C8orf34: variants seen among roughly 807,000 people sequenced by gnomAD.
C8orf34 encodes uncharacterized protein C8orf34.
In C8orf34, 65 loss-of-function variants were observed where a neutral mutation model predicts 68.3. The observed-to-expected ratio is 0.95, with a 90% confidence interval of 0.78 to 1.17. The LOEUF is 1.17. C8orf34 is among the 50% of genes most tolerant of loss of function. The pLI is 0.00. For missense variants in C8orf34, 664 were observed against 655.4 expected, an observed-to-expected ratio of 1.01 and a Z score of -0.14; for synonymous variants, 244 against 241.2, an observed-to-expected ratio of 1.01 and a Z score of -0.11.
chr8:68,764,347 G>A (rs921029061), intron 10 of C8orf34, among the ~76,000 whole-genome samples: 1 of 152,184 alleles, frequency 6.6e-6, no homozygotes. Context: ...TTTGTTGGCG[G>A]TGCAGACCTC....
At chr8:68,575,954 TTG>T (rs1491552567) in intron 7 of C8orf34, among the ~76,000 whole-genome samples, 9 of 104,204 alleles carry the variant, frequency 8.6e-5, no homozygotes, top group African/African-American at 4.0e-4. Context: ...TAGTAGATGG[TTG>T]TTTTTTTTTT....
At chr8:68,725,854 G>A (rs1821813229) in intron 10 of C8orf34, among the ~76,000 whole-genome samples, 1 of 152,064 alleles carries the variant, frequency 6.6e-6, no homozygotes, top group Admixed American at 6.5e-5. Context: ...GTAATGAAAA[G>A]GAGATAAGTA....
chr8:68,800,205 A>T (rs889082777), intron 12 of C8orf34, among the ~76,000 whole-genome samples: 1 of 152,234 alleles, frequency 6.6e-6, no homozygotes, highest in African/African-American at 2.4e-5. Flanking sequence ...GGATTCAAAT[A>T]ATTCAAAACT....
intron 5 of C8orf34, among the ~76,000 whole-genome samples, chr8:68,493,482 G>A (rs912087596): frequency 6.6e-6 from 1 of 152,128 alleles, no homozygotes; most frequent in Non-Finnish European, 1.5e-5. Flanking sequence ...TGAAAAAATA[G>A]CAAGTGTTTG....
intron 1 of C8orf34, among the ~76,000 whole-genome samples, chr8:68,433,749 A>G (rs971930091): frequency 4.6e-5 from 7 of 152,224 alleles, no homozygotes; most frequent in Admixed American, 2.6e-4. Flanking sequence ...GGGATCTTAC[A>G]TGTTCTATCA....
chr8:68,622,002 G>C (rs532073990), intron 7 of C8orf34, among the ~76,000 whole-genome samples: 1 of 152,176 alleles, frequency 6.6e-6, no homozygotes, highest in South Asian at 2.1e-4. Context: ...TCCAGCCAGG[G>C]CTCATGAGGT....
intron 7 of C8orf34, among the ~76,000 whole-genome samples, chr8:68,616,043 A>T (rs910353174): frequency 1.3e-5 from 2 of 151,206 alleles, no homozygotes; most frequent in Non-Finnish European, 2.9e-5. Flanking sequence ...CGAGGAATTT[A>T]TCCATTTCTT....
intron 4 of C8orf34, among the ~76,000 whole-genome samples, chr8:68,481,999 A>G (rs547210617): frequency 6.6e-6 from 1 of 152,254 alleles, no homozygotes; most frequent in East Asian, 1.9e-4. Context: ...AAGGATTGAT[A>G]TGGATTGGCT....
rs567271182 is a variant in C8orf34 at position 68,639,762 on chromosome 8, A to G, written c.1106-614A>G. On this transcript the variant is annotated intron_variant, in intron 7 of 13. Transcript: ENST00000518698. Reference sequence around the variant, plus strand: ...TCTTGATTAAGGACCTGGGAAAAATAGAAGTGGGCTTCAGTAAACCTTTGG... The same window carrying G: ...TCTTGATTAAGGACCTGGGAAAAATGGAAGTGGGCTTCAGTAAACCTTTGG... Among the ~76,000 whole-genome samples the G allele has an allele frequency of 7.9e-5, 12 of 152,298 alleles. No homozygotes were observed. The East Asian group carries it at 2.1e-3, about 27-fold the overall frequency.
chr8:68,690,912 A>T (rs868703353), intron 8 of C8orf34, among the ~76,000 whole-genome samples: 1 of 152,088 alleles, frequency 6.6e-6, no homozygotes, highest in Non-Finnish European at 1.5e-5. Flanking sequence ...GAACTCTCTC[A>T]GTCTCAAATT....
intron 8 of C8orf34, among the ~76,000 whole-genome samples, chr8:68,655,500 A>G (rs1819485863): frequency 1.3e-5 from 2 of 152,146 alleles, no homozygotes; most frequent in East Asian, 3.8e-4. Flanking sequence ...CATTCAGTAG[A>G]AACTGTACTT....
chr8:68,684,127 A>G (rs1287348888), intron 8 of C8orf34, among the ~76,000 whole-genome samples: 1 of 152,106 alleles, frequency 6.6e-6, no homozygotes, highest in Non-Finnish European at 1.5e-5. Context: ...CATCATCTGA[A>G]TGAAGCCTCA....
chr8:68,545,187 C>T (rs1346506544), intron 7 of C8orf34, among the ~76,000 whole-genome samples: 2 of 152,000 alleles, frequency 1.3e-5, no homozygotes, highest in South Asian at 2.1e-4. Context: ...GGCGGTTTTC[C>T]CCATACTGTT....
At chr8:68,646,429 T>G (rs1819174719) in intron 8 of C8orf34, among the ~76,000 whole-genome samples, 1 of 152,138 alleles carries the variant, frequency 6.6e-6, no homozygotes, top group Admixed American at 6.6e-5. Context: ...ATCAAGCAAG[T>G]TAACAAATCC....
At chr8:68,656,197 C>T (rs1819506301) in intron 8 of C8orf34, among the ~76,000 whole-genome samples, 1 of 151,990 alleles carries the variant, frequency 6.6e-6, no homozygotes, top group African/African-American at 2.4e-5. Flanking sequence ...AAAAGAGACC[C>T]CCTTAATTGA....
chr8:68,794,506 T>TACATACA (rs58048066), intron 12 of C8orf34, among the ~76,000 whole-genome samples: 1 of 59,018 alleles, frequency 1.7e-5, no homozygotes, highest in African/African-American at 1.0e-4. Flanking sequence ...TATATATATA[T>TACATACA]TTTTTTTTTT....
At chr8:68,784,680 T>C (rs1823791043) in intron 11 of C8orf34, among the ~76,000 whole-genome samples, 1 of 152,250 alleles carries the variant, frequency 6.6e-6, no homozygotes, top group Non-Finnish European at 1.5e-5. Flanking sequence ...ATATTTTGGA[T>C]AATGACCCAA....
intron 1 of C8orf34, among the ~76,000 whole-genome samples, chr8:68,378,582 G>A (rs146299170): frequency 1.3e-5 from 2 of 152,238 alleles, no homozygotes; most frequent in African/African-American, 4.8e-5. Flanking sequence ...GCCACTGTGT[G>A]TGGCCCAGAG....
chr8:68,476,446 G>A (rs1167670874), intron 4 of C8orf34, among the ~76,000 whole-genome samples: 1 of 152,188 alleles, frequency 6.6e-6, no homozygotes, highest in Non-Finnish European at 1.5e-5. Flanking sequence ...AAGCATGTGT[G>A]TAAGGATGTA....
Sources: gnomAD v4.1 joint callset for allele counts (sites outside exome capture counted in the v4.1 genomes callset) on GRCh38, gnomAD v4.1.1 for gene constraint, MANE v1.5 for transcripts, NCBI Gene and HGNC (gene_info 2026-07-23, HGNC 2026-07-21) for gene names.